The following RSF1 variants were observed in gnomAD, a reference collection of about 807,000 sequenced individuals.
RSF1 encodes HBV pX-associated protein 8.
Under a neutral mutation model 145.2 loss-of-function variants are expected in RSF1, and 13 were observed. That is an observed-to-expected ratio of 0.09 (90% CI 0.06 to 0.14). RSF1 has a LOEUF of 0.14. Ranked by LOEUF, RSF1 falls within the 10% of genes least tolerant of loss-of-function variation. The probability of loss-of-function intolerance (pLI) is 1.00; values close to 1 mark genes in which losing one functional copy is unlikely to be tolerated. For synonymous variants in RSF1, 577 were observed against 592.6 expected, an observed-to-expected ratio of 0.97 and a Z score of 0.38; for missense variants, 1,517 against 1,718.2, an observed-to-expected ratio of 0.88 and a Z score of 2.07.
intron 5 of RSF1, among the ~76,000 whole-genome samples, chr11:77,709,073 A>G (rs1390095277): frequency 6.6e-6 from 1 of 152,226 alleles, no homozygotes; most frequent in Non-Finnish European, 1.5e-5. Flanking sequence ...TAACATAGTA[A>G]GTAAGCAGGG....
intron 9 of RSF1, 35 bp from the exon 10 acceptor site, chr11:77,685,194 T>G (rs1959970875): frequency 7.5e-7 from 1 of 1,328,016 alleles, no homozygotes; most frequent in Non-Finnish European, 1.0e-6. Flanking sequence ...ACATGAGATT[T>G]GCAGAAAATA....
intron 5 of RSF1, among the ~76,000 whole-genome samples, chr11:77,704,212 T>C (rs565934156): frequency 1.2e-4 from 18 of 152,290 alleles, no homozygotes; most frequent in Non-Finnish European, 2.4e-4. Flanking sequence ...GAAGGATCAC[T>C]GGAGCCCAGG....
At chr11:77,781,955 T>C (rs1235351115) in intron 1 of RSF1, among the ~76,000 whole-genome samples, 2 of 152,254 alleles carry the variant, frequency 1.3e-5, no homozygotes, top group South Asian at 2.1e-4. Flanking sequence ...GATACTAATA[T>C]AGTCATTAGT....
chr11:77,667,699 A>C (rs1029779277), intron 15 of RSF1, among the ~76,000 whole-genome samples: 5 of 151,878 alleles, frequency 3.3e-5, no homozygotes, highest in African/African-American at 1.2e-4. Flanking sequence ...ATGATTTTAG[A>C]CAATATTTTC....
intron 9 of RSF1, among the ~76,000 whole-genome samples, chr11:77,686,824 C>A (rs1417542658): frequency 6.6e-6 from 1 of 152,104 alleles, no homozygotes; most frequent in African/African-American, 2.4e-5. Context: ...ACTGTAGAGA[C>A]CTCTATGGTA....
At chr11:77,715,273 G>A (rs562013142) in intron 5 of RSF1, among the ~76,000 whole-genome samples, 1 of 152,224 alleles carries the variant, frequency 6.6e-6, no homozygotes, top group Non-Finnish European at 1.5e-5. Flanking sequence ...TGTATTTCCT[G>A]TCAATTTTTT....
Position 77,672,181 on chromosome 11 carries a change from T to C in RSF1, c.3612A>G (p.Arg1204=). 1 of 1,611,388 alleles carries C rather than the reference T, an allele frequency of 6.2e-7. No homozygotes were observed. Residue 1204 remains arginine (R), a synonymous_variant, in exon 15 of 16, where the codon CGA becomes CGG. Coordinates refer to ENST00000308488, the MANE Select transcript of RSF1 (RefSeq NM_016578.4). ...DFSDDFVETR[R]RRSRRNQKRQ... is the part of the protein sequence containing the mutation. Reference sequence around the variant, plus strand: ...TTTTCTGATTTCTCCTTGACCGCCTTCGCCGAGTTTCTACAAAATCATCAC... The same window carrying C: ...TTTTCTGATTTCTCCTTGACCGCCTCCGCCGAGTTTCTACAAAATCATCAC...
intron 5 of RSF1, among the ~76,000 whole-genome samples, chr11:77,725,033 A>G (rs1248502253): frequency 6.6e-6 from 1 of 152,232 alleles, no homozygotes; most frequent in Non-Finnish European, 1.5e-5. Context: ...GATCAAATTC[A>G]TAAGAGACAG....
intron 2 of RSF1, chr11:77,763,340 TA>T (rs5792775): frequency 0.02 from 2,780 of 135,944 alleles, 39 homozygotes; most frequent in African/African-American, 0.051. Flanking sequence ...AGACTGTCTT[TA>T]AAAAAAAAAA....
chr11:77,782,276 C>T (rs1213536620), intron 1 of RSF1, among the ~76,000 whole-genome samples: 1 of 152,210 alleles, frequency 6.6e-6, no homozygotes, highest in Non-Finnish European at 1.5e-5. Flanking sequence ...AGTGGTGGCT[C>T]ACGCCTGTAA....
intron 2 of RSF1, chr11:77,762,027 C>CTTTTTTCTTTTTTTTTTTTTTTT (rs1554994584): frequency 2.7e-4 from 16 of 58,750 alleles, no homozygotes; most frequent in African/African-American, 8.5e-4. Context: ...CTTTTCTTTT[C>CTTTTTTCTTTTTTTTTTTTTTTT]TTTTTTTTTT....
intron 5 of RSF1, among the ~76,000 whole-genome samples, chr11:77,704,927 A>T (rs1960510246): frequency 6.6e-6 from 1 of 151,700 alleles, no homozygotes; most frequent in Admixed American, 6.6e-5. Context: ...AATTTTGTAT[A>T]TTTAGTAGAG....
At chr11:77,714,242 T>C (rs926213276) in intron 5 of RSF1, among the ~76,000 whole-genome samples, 3 of 152,192 alleles carry the variant, frequency 2.0e-5, no homozygotes, top group African/African-American at 7.2e-5. Flanking sequence ...GGATTGAGAA[T>C]TCATGAGGCC....
chr11:77,839,104 A>C, the RSF1 span, among the ~76,000 whole-genome samples: 1 of 152,138 alleles, frequency 6.6e-6, no homozygotes, highest in East Asian at 1.9e-4. Context: ...GACTTCTGAG[A>C]ATACTCAATT....
chr11:77,769,111 G>A (rs1590876190), intron 1 of RSF1, among the ~76,000 whole-genome samples: 1 of 152,108 alleles, frequency 6.6e-6, no homozygotes, highest in Non-Finnish European at 1.5e-5. Context: ...AGGCTGGAGT[G>A]CAGTGGCGCA....
At chr11:77,756,068 A>G (rs1264904202) in intron 2 of RSF1, among the ~76,000 whole-genome samples, 1 of 152,106 alleles carries the variant, frequency 6.6e-6, no homozygotes, top group Non-Finnish European at 1.5e-5. Context: ...TCCTAAAGAA[A>G]CTTTTCAGGC....
intron 8 of RSF1, among the ~76,000 whole-genome samples, chr11:77,692,232 A>ATTTTTTTT (rs1565149884): frequency 5.0e-5 from 3 of 59,762 alleles, no homozygotes; most frequent in South Asian, 7.5e-4. Flanking sequence ...ACTACTTTTA[A>ATTTTTTTT]ATTTTTTTTT....
chr11:77,866,054 C>T, the RSF1 span, among the ~76,000 whole-genome samples: 3 of 152,198 alleles, frequency 2.0e-5, no homozygotes, highest in African/African-American at 7.2e-5. Context: ...CTGCTTTTAT[C>T]AGCAATACAG....
At chr11:77,669,349 A>T (rs1361547765) in intron 15 of RSF1, among the ~76,000 whole-genome samples, 1 of 152,142 alleles carries the variant, frequency 6.6e-6, no homozygotes, top group African/African-American at 2.4e-5. Context: ...ATTAAAATCT[A>T]AGTCAGATCA....
Sources: allele counts gnomAD v4.1 joint callset (sites outside exome capture counted in the v4.1 genomes callset), GRCh38; gene constraint gnomAD v4.1.1; transcripts MANE v1.5; gene names NCBI Gene and HGNC (gene_info 2026-07-23, HGNC 2026-07-21).